The following MAGI2 variants were observed in gnomAD, a reference collection of about 807,000 sequenced individuals.
MAGI2 encodes membrane associated guanylate kinase, WW and PDZ domain containing 2.
MAGI2 carries 35 observed loss-of-function variants against 133.3 expected under a neutral mutation model. The ratio of observed to expected loss-of-function variants is 0.26; its 90% confidence interval spans 0.20 to 0.35. The LOEUF is 0.35. Ranked by LOEUF, MAGI2 falls within the 10% of genes least tolerant of loss-of-function variation. The pLI is 1.00. For synonymous variants in MAGI2, 729 were observed against 710.6 expected, an observed-to-expected ratio of 1.03 and a Z score of -0.41; for missense variants, 1,636 against 1,863.4, an observed-to-expected ratio of 0.88 and a Z score of 2.25.
At chr7:78,218,782 C>A (rs952958574) in intron 10 of MAGI2, among the ~76,000 whole-genome samples, 1 of 152,192 alleles carries the variant, frequency 6.6e-6, no homozygotes, top group African/African-American at 2.4e-5. Flanking sequence ...GCGTGGGGCT[C>A]ATTCTCAGCT....
At chr7:78,396,207 A>G (rs917635026) in intron 6 of MAGI2, among the ~76,000 whole-genome samples, 1 of 152,170 alleles carries the variant, frequency 6.6e-6, no homozygotes, top group African/African-American at 2.4e-5. Flanking sequence ...GCGATTGTAA[A>G]TAAGTAGAAA....
intron 21 of MAGI2, among the ~76,000 whole-genome samples, chr7:78,022,898 A>G (rs1808542115): frequency 6.6e-6 from 1 of 152,252 alleles, no homozygotes; most frequent in Non-Finnish European, 1.5e-5. Context: ...TAGATCATTA[A>G]ACACTTAACA....
In MAGI2 at chr7:78,206,580, C is replaced by A. The variant is rs143932022; in HGVS notation, c.2048-5387G>T. The stretch of plus-strand genomic sequence containing the variant: ...TGGTGGAATTACAGGCGTGAGCCAC[C>A]GCGCCTGGCCGCCAAGACAACTTTT... On this transcript the variant is annotated intron_variant, in intron 10 of 21. Transcript: ENST00000354212. Among the ~76,000 whole-genome samples the A allele has an allele frequency of 2.5e-3, 385 of 152,170 alleles. 1 individual carries two copies. Among genetic ancestry groups the A allele is most frequent in the Middle Eastern group, 0.01 (3 of 292 alleles).
chr7:79,329,449 G>A (rs1409881472), intron 1 of MAGI2, among the ~76,000 whole-genome samples: 2 of 152,212 alleles, frequency 1.3e-5, no homozygotes, highest in African/African-American at 4.8e-5. Flanking sequence ...AAGTATATGT[G>A]TATAATATTT....
At position 78,351,543 on chromosome 7, in the gene MAGI2, A is replaced by G. The variant is rs569816189; in HGVS notation, c.1104-5500T>C. Among the ~76,000 whole-genome samples, 59 of 152,024 alleles carry G rather than the reference A, an allele frequency of 3.9e-4. 1 individual carries two copies. Among genetic ancestry groups the G allele is most frequent in the South Asian group, 2.1e-4 (1 of 4,816 alleles). ...GGCGTTGTGGCTCAGGATGACCACA[A>G]TGCAAACTGGCTTCTTTTGGGCTTC... On this transcript the variant is annotated intron_variant, in intron 7 of 21. Transcript: ENST00000354212.
chr7:79,291,704 A>G (rs189890221), intron 1 of MAGI2, among the ~76,000 whole-genome samples: 2 of 152,336 alleles, frequency 1.3e-5, no homozygotes, highest in African/African-American at 2.4e-5. Flanking sequence ...TTGGATCTGT[A>G]TGCTGTCCTT....
intron 1 of MAGI2, among the ~76,000 whole-genome samples, chr7:79,382,096 G>A (rs1843833129): frequency 6.6e-6 from 1 of 151,538 alleles, no homozygotes; most frequent in African/African-American, 2.4e-5. Flanking sequence ...GCAGGCAGAG[G>A]AAGAAATAAT....
chr7:78,274,498 G>A (rs1256535403), intron 9 of MAGI2, among the ~76,000 whole-genome samples: 3 of 152,070 alleles, frequency 2.0e-5, no homozygotes, highest in African/African-American at 7.2e-5. Context: ...CTTCAGAGCT[G>A]TCAGGCAGGG....
intron 10 of MAGI2, among the ~76,000 whole-genome samples, chr7:78,212,457 C>G (rs1439623187): frequency 1.3e-5 from 2 of 152,178 alleles, no homozygotes; most frequent in Non-Finnish European, 2.9e-5. Context: ...TGCAGCTGCC[C>G]TGAAGATACG....
chr7:79,148,881 A>G (rs1822909022), intron 1 of MAGI2, among the ~76,000 whole-genome samples: 1 of 146,804 alleles, frequency 6.8e-6, no homozygotes, highest in African/African-American at 2.5e-5. Context: ...ATATACATAT[A>G]TATGTTTTAT....
At chr7:78,437,674 A>G (rs1787182378) in intron 6 of MAGI2, among the ~76,000 whole-genome samples, 1 of 152,198 alleles carries the variant, frequency 6.6e-6, no homozygotes, top group Non-Finnish European at 1.5e-5. Flanking sequence ...AGACGTGACT[A>G]GAGCCCTAGG....
intron 2 of MAGI2, among the ~76,000 whole-genome samples, chr7:78,864,314 C>T (rs541999660): frequency 8.9e-4 from 135 of 152,306 alleles, no homozygotes; most frequent in African/African-American, 3.1e-3. Flanking sequence ...CTCCTACTTT[C>T]ACTTACACGT....
chr7:78,051,881 A>AG (rs1812043754), intron 21 of MAGI2, among the ~76,000 whole-genome samples: 1 of 108,340 alleles, frequency 9.2e-6, no homozygotes, highest in African/African-American at 4.5e-5. Flanking sequence ...CACCATACCC[A>AG]GCCTTTTTTT....
intron 16 of MAGI2, among the ~76,000 whole-genome samples, chr7:78,152,736 A>G (rs1277415352): frequency 6.6e-6 from 1 of 152,200 alleles, no homozygotes; most frequent in Non-Finnish European, 1.5e-5. Flanking sequence ...ACATGAGGGG[A>G]AAACCAGTAC....
At chr7:78,366,846 T>C (rs1344391760) in intron 7 of MAGI2, among the ~76,000 whole-genome samples, 1 of 152,070 alleles carries the variant, frequency 6.6e-6, no homozygotes, top group Non-Finnish European at 1.5e-5. Context: ...GTCAACTCTA[T>C]AAAATCATGT....
chr7:78,532,635 C>T (rs1054640068), intron 3 of MAGI2, among the ~76,000 whole-genome samples: 3 of 152,154 alleles, frequency 2.0e-5, no homozygotes, highest in African/African-American at 7.2e-5. Flanking sequence ...TTGTAATCAC[C>T]TTGTGATCTG....
chr7:78,018,922 A>G lies in MAGI2; in HGVS notation c.*393T>C. The stretch of plus-strand genomic sequence containing the variant: ...AGTTTGATTTTTAAGGCGATATTCC[A>G]GTTTGTGATTGCTCTTAACTTTGTC... On this transcript the variant is annotated 3_prime_UTR_variant, in exon 22 of 22. Coordinates refer to ENST00000354212, the MANE Select transcript of MAGI2 (RefSeq NM_012301.4). 2.6e-6 allele frequency: 1 copy of G among 390,256 alleles called. No homozygotes were observed. Among genetic ancestry groups the G allele is most frequent in the Non-Finnish European group, 4.5e-6 (1 of 221,012 alleles). The allele number at this position is 390,256 out of a possible 1,614,324, so 24.2% of individuals were successfully genotyped here. A position where few individuals can be genotyped will look rare whatever the true frequency, so the allele number is the denominator to read the frequency against.
chr7:79,401,582 G>A (rs978548504), intron 1 of MAGI2, among the ~76,000 whole-genome samples: 4 of 152,084 alleles, frequency 2.6e-5, no homozygotes, highest in Non-Finnish European at 4.4e-5. Context: ...TAGCTTTAGG[G>A]ATAAAAGTCC....
At chr7:78,056,629 A>G (rs10234800) in intron 21 of MAGI2, among the ~76,000 whole-genome samples, 79,226 of 151,798 alleles carry the variant, frequency 0.52, 21,448 homozygotes, top group African/African-American at 0.67. Flanking sequence ...GAACACATGG[A>G]CAAATTGAGG....
Sources: gnomAD v4.1 joint callset for allele counts (sites outside exome capture counted in the v4.1 genomes callset) on GRCh38, gnomAD v4.1.1 for gene constraint, MANE v1.5 for transcripts, NCBI Gene and HGNC (gene_info 2026-07-23, HGNC 2026-07-21) for gene names.